Variants in DTNB observed in about 807,000 individuals in gnomAD.
DTNB encodes the protein dystrobrevin beta.
DTNB carries 63 observed loss-of-function variants against 90.7 expected under a neutral mutation model. That is an observed-to-expected ratio of 0.69 (90% CI 0.57 to 0.86). The LOEUF is 0.86. Among genes scored for constraint, DTNB ranks in the 40% least tolerant of loss-of-function variants. The pLI is 0.00. For missense variants in DTNB, 744 were observed against 807.1 expected, an observed-to-expected ratio of 0.92 and a Z score of 0.95; for synonymous variants, 277 against 286.7, an observed-to-expected ratio of 0.97 and a Z score of 0.34.
intron 12 of DTNB, among the ~76,000 whole-genome samples, chr2:25,438,836 T>C (rs1447445978): frequency 1.3e-5 from 2 of 152,220 alleles, no homozygotes; most frequent in African/African-American, 4.8e-5. Context: ...CAACTCATGT[T>C]GATAGTAGGT....
chr2:25,504,693 A>T (rs1349977157), intron 9 of DTNB, among the ~76,000 whole-genome samples: 2 of 152,226 alleles, frequency 1.3e-5, no homozygotes, highest in Non-Finnish European at 2.9e-5. Flanking sequence ...TGTATACTGA[A>T]AATTATAAAA....
chr2:25,410,936 T>A (rs2046431975), intron 16 of DTNB, among the ~76,000 whole-genome samples: 1 of 91,984 alleles, frequency 1.1e-5, no homozygotes, highest in East Asian at 2.0e-4. Flanking sequence ...TGCCTTTTCT[T>A]TTTTTTTTTT....
At chr2:25,519,550 C>A (rs2075771917) in intron 9 of DTNB, among the ~76,000 whole-genome samples, 1 of 151,932 alleles carries the variant, frequency 6.6e-6, no homozygotes, top group African/African-American at 2.4e-5. Flanking sequence ...TGCTTGGGAC[C>A]AGAGTGTTTC....
intron 16 of DTNB, among the ~76,000 whole-genome samples, chr2:25,412,797 A>G (rs1426557863): frequency 6.6e-6 from 1 of 152,206 alleles, no homozygotes; most frequent in Non-Finnish European, 1.5e-5. Context: ...GAACCCTAAA[A>G]TGTTCCTAGA....
At chr2:25,384,630 G>C (rs2149517448) in intron 18 of DTNB, among the ~76,000 whole-genome samples, 1 of 152,284 alleles carries the variant, frequency 6.6e-6, no homozygotes, top group Admixed American at 6.5e-5. Context: ...ACTAGGAAGG[G>C]TTGTCATTTG....
chr2:25,511,621 C>T (rs540156466), intron 9 of DTNB, among the ~76,000 whole-genome samples: 9 of 152,146 alleles, frequency 5.9e-5, no homozygotes, highest in African/African-American at 9.7e-5. Flanking sequence ...CGTGAGCCAC[C>T]GCGCCCAATC....
chr2:25,452,117 C>T (rs1012170608), intron 11 of DTNB, among the ~76,000 whole-genome samples: 2 of 152,230 alleles, frequency 1.3e-5, no homozygotes, highest in Non-Finnish European at 2.9e-5. Flanking sequence ...GGAAAGATTC[C>T]ATGACATCAA....
At chr2:25,615,076 T>C (rs1039907206) in intron 4 of DTNB, among the ~76,000 whole-genome samples, 1 of 152,190 alleles carries the variant, frequency 6.6e-6, no homozygotes, top group Non-Finnish European at 1.5e-5. Context: ...CTTGGACTGA[T>C]TAGTTTGCTA....
At chr2:25,618,248 T>C (rs2071365550) in intron 4 of DTNB, among the ~76,000 whole-genome samples, 1 of 152,148 alleles carries the variant, frequency 6.6e-6, no homozygotes, top group South Asian at 2.1e-4. Flanking sequence ...CCTCTACAAC[T>C]AGAGGCAAGC....
At chr2:25,544,932 T>G (rs2082110609) in intron 8 of DTNB, among the ~76,000 whole-genome samples, 1 of 152,258 alleles carries the variant, frequency 6.6e-6, no homozygotes, top group African/African-American at 2.4e-5. Context: ...ACAAACTCCT[T>G]GAGACTTTTT....
intron 8 of DTNB, among the ~76,000 whole-genome samples, chr2:25,544,319 G>A (rs2081991609): frequency 6.6e-6 from 1 of 152,194 alleles, no homozygotes; most frequent in Non-Finnish European, 1.5e-5. Flanking sequence ...GCGATACTCT[G>A]CAAAACTTTT....
At chr2:25,577,304 G>A (rs1023124249) in intron 7 of DTNB, among the ~76,000 whole-genome samples, 2 of 152,020 alleles carry the variant, frequency 1.3e-5, no homozygotes, top group Non-Finnish European at 2.9e-5. Flanking sequence ...GCGCATGATG[G>A]CACATGCCTG....
At chr2:25,475,761 T>C (rs114775131) in intron 10 of DTNB, among the ~76,000 whole-genome samples, 2,026 of 152,322 alleles carry the variant, frequency 0.013, 39 homozygotes, top group African/African-American at 0.045. Flanking sequence ...CAATGCTCAT[T>C]TACCATTCTG....
chr2:25,632,710 C>G (rs1223142895), intron 3 of DTNB, among the ~76,000 whole-genome samples: 1 of 146,168 alleles, frequency 6.8e-6, no homozygotes, highest in Middle Eastern at 3.3e-3. Context: ...TATATGGCCC[C>G]TCAATCTTAG....
At chr2:25,660,692 T>TA (rs1264993738) in intron 1 of DTNB, among the ~76,000 whole-genome samples, 5 of 152,226 alleles carry the variant, frequency 3.3e-5, no homozygotes, top group African/African-American at 1.2e-4. Flanking sequence ...GTTGTTCATT[T>TA]TTTTTAACGC....
At chr2:25,564,184 T>C (rs1370399736) in intron 8 of DTNB, among the ~76,000 whole-genome samples, 1 of 152,200 alleles carries the variant, frequency 6.6e-6, no homozygotes, top group Non-Finnish European at 1.5e-5. Context: ...TTTTGAAGAC[T>C]GCTTTGACCA....
chr2:25,621,503 G>A (rs2072627074), intron 4 of DTNB, among the ~76,000 whole-genome samples: 1 of 147,952 alleles, frequency 6.8e-6, no homozygotes. Flanking sequence ...CTGAAGTGCA[G>A]TGGTGTGATC....
chr2:25,551,886 T>C lies in DTNB; in HGVS notation c.877-20289A>G, dbSNP rs77529218. 4.3e-3 allele frequency among the ~76,000 whole-genome samples: 654 copies of C among 152,364 alleles called. 4 individuals carry two copies. The highest frequency in any genetic ancestry group is 0.015 in the African/African-American group (613 of 41,584). Reference sequence around the variant, plus strand: ...CTTTTACTTTATAATAATAGTAATGTACTAAGGAATACTTCTCTGTTCTAG... The same window carrying C: ...CTTTTACTTTATAATAATAGTAATGCACTAAGGAATACTTCTCTGTTCTAG... On this transcript the variant is annotated intron_variant, in intron 8 of 20. Transcript: ENST00000406818.
intron 5 of DTNB, chr2:25,599,004 T>C (rs946980141): frequency 1.8e-4 from 27 of 151,670 alleles, no homozygotes; most frequent in Admixed American, 1.6e-3. Flanking sequence ...TCAAGGCAAT[T>C]AGACTGTTAA....
Sources: gnomAD v4.1 joint callset for allele counts (sites outside exome capture counted in the v4.1 genomes callset) on GRCh38, gnomAD v4.1.1 for gene constraint, MANE v1.5 for transcripts, NCBI Gene and HGNC (gene_info 2026-07-23, HGNC 2026-07-21) for gene names.